DNTTIP2: variants seen among roughly 807,000 people sequenced by gnomAD.
DNTTIP2 encodes deoxynucleotidyltransferase terminal-interacting protein 2.
A neutral mutation model predicts 62.4 loss-of-function variants in DNTTIP2; 47 were observed. The observed-to-expected ratio is 0.75, with a 90% CI of 0.60 to 0.96. The LOEUF is 0.96. Among genes scored for constraint, DNTTIP2 ranks in the 40% least tolerant of loss-of-function variants. The pLI is 0.00. For synonymous variants in DNTTIP2, 322 were observed against 300.9 expected, an observed-to-expected ratio of 1.07 and a Z score of -0.73; for missense variants, 870 against 849.1, an observed-to-expected ratio of 1.02 and a Z score of -0.31.
Position 93,875,798 on chromosome 1 carries a change from A to G in DNTTIP2, c.1668-15T>C. On this transcript the variant is annotated splice_polypyrimidine_tract_variant and intron_variant, in intron 2 of 6. Coordinates refer to ENST00000436063, the MANE Select transcript of DNTTIP2 (RefSeq NM_014597.5). ...TCAACTTCAGACTGAAAAAGAAATCATCACTTAAAGATCAAGTAATTAAAT... is the reference window on the plus strand; with the variant it reads ...TCAACTTCAGACTGAAAAAGAAATCGTCACTTAAAGATCAAGTAATTAAAT... 1.2e-6 allele frequency: 2 copies of G among 1,601,026 alleles called. No individual in the cohort carries two copies. The highest frequency in any genetic ancestry group is 1.7e-6 in the Non-Finnish European group (2 of 1,175,696).
At position 93,876,666 on chromosome 1, in the gene DNTTIP2, A is replaced by G; in HGVS notation, c.1269T>C (p.Asp423=). The change falls in exon 2 of 7, where the codon GAT becomes GAC. Residue 423 remains aspartate, a synonymous_variant. Transcript: ENST00000436063. ...NSEGNVDFEC[D]TKLYTSAPNT... ...TGGGCGCAGACGTGTATAGTTTGGT[A>G]TCACATTCAAAATCTACATTCCCTT... 2 of 1,614,054 alleles carry G rather than the reference A, an allele frequency of 1.2e-6. No homozygotes were observed. The highest frequency in any genetic ancestry group is 2.2e-5 in the South Asian group (2 of 91,082).
At chr1:93,871,899 T>C (rs1269003881) in intron 5 of DNTTIP2, among the ~76,000 whole-genome samples, 173 bp downstream of exon 5, 1 of 152,226 alleles carries the variant, frequency 6.6e-6, no homozygotes, top group Non-Finnish European at 1.5e-5. Context: ...AATTAAAAGT[T>C]AGTGGCTGAA....
rs931081595 is a variant in DNTTIP2 at position 93,877,362 on chromosome 1, T to C, written c.573A>G (p.Ser191=). The change falls in exon 2 of 7, where the codon TCA becomes TCG. Residue 191 remains serine (S), a synonymous_variant. Coordinates refer to ENST00000436063, the MANE Select transcript of DNTTIP2 (RefSeq NM_014597.5). ...EAISDAETSS[S]DISFSGIATR... ...TTGCAATTCCAGAGAATGAAATGTC[T>C]GAGCTTGATGTCTCAGCATCAGATA... is the stretch of plus-strand genomic sequence containing the variant. 3 of 1,613,866 alleles carry C rather than the reference T, an allele frequency of 1.9e-6. No homozygotes were observed. The highest frequency in any genetic ancestry group is 2.5e-6 in the Non-Finnish European group (3 of 1,179,898).
At chr1:93,873,904 A>AT (rs1196024736) in intron 3 of DNTTIP2, among the ~76,000 whole-genome samples, 1 of 152,204 alleles carries the variant, frequency 6.6e-6, no homozygotes, top group Non-Finnish European at 1.5e-5. Flanking sequence ...GTTAATTAGT[A>AT]TTTTTCTCAG....
chr1:93,879,004 C>T, intron 1 of DNTTIP2, 73 bp downstream of exon 1: 1 of 1,578,444 alleles, frequency 6.3e-7, no homozygotes, highest in Non-Finnish European at 8.6e-7. Context: ...CTTAACCGGA[C>T]CCTTGCGCCG....
At chr1:93,878,902 G>A (rs1656082893) in intron 1 of DNTTIP2, 175 bp downstream of exon 1, 1 of 788,264 alleles carries the variant, frequency 1.3e-6, no homozygotes. Flanking sequence ...CAGTGGTGAA[G>A]GCTAAACAGT....
In DNTTIP2 at chr1:93,873,281, A is replaced by G. The variant is rs985986065; in HGVS notation, c.1807-67T>C. On this transcript the variant is annotated intron_variant, in intron 3 of 6. Coordinates refer to ENST00000436063, the MANE Select transcript of DNTTIP2 (RefSeq NM_014597.5). ...TTATATAAGTTTTTCAACAGTTTAA[A>G]CTTCTGTAAGTTTTAAAATTTTTAG... 15 of 1,303,426 alleles carry G rather than the reference A, an allele frequency of 1.2e-5. No individual in the cohort carries two copies. In the African/African-American group the frequency reaches 2.2e-4, roughly 19 times the overall value. 80.7% of individuals were successfully genotyped at this position (1,303,426 alleles called of 1,614,324 possible). A position where few individuals can be genotyped will look rare whatever the true frequency, so the allele number is the denominator to read the frequency against.
chr1:93,877,398 A>G lies in DNTTIP2; in HGVS notation c.537T>C (p.His179=), dbSNP rs761545262. 12 of 1,613,850 alleles carry G rather than the reference A, an allele frequency of 7.4e-6. No homozygotes were observed. The highest frequency in any genetic ancestry group is 1.0e-5 in the Non-Finnish European group (12 of 1,179,890). The part of the protein sequence containing the change: ...KSLTDPSQES[H]TEAISDAETS... Reference sequence around the variant, plus strand: ...TCTCAGCATCAGATATAGCTTCTGTATGAGATTCTTGGCTTGGATCTGTCA... The same window carrying G: ...TCTCAGCATCAGATATAGCTTCTGTGTGAGATTCTTGGCTTGGATCTGTCA... Residue 179 remains histidine (H), a synonymous_variant, in exon 2 of 7, where the codon CAT becomes CAC. Coordinates refer to ENST00000436063, the MANE Select transcript of DNTTIP2 (RefSeq NM_014597.5).
chr1:93,876,947 T>C lies in DNTTIP2; in HGVS notation c.988A>G (p.Ser330Gly), dbSNP rs1469148722. Reference sequence around the variant, plus strand: ...CTCTGAGAAACTAACTGTTGAAGGCTAGTGTCCTGAAGTTCAGAAAGATTC... The same window carrying C: ...CTCTGAGAAACTAACTGTTGAAGGCCAGTGTCCTGAAGTTCAGAAAGATTC... ...LKNLSELQDT[S>G]LQQLVSQRHS... Residue 330 changes from serine to glycine, a missense_variant, in exon 2 of 7, where the codon AGC becomes GGC. Transcript: ENST00000436063. 6.2e-7 allele frequency: 1 copy of C among 1,613,478 alleles called. No homozygotes were observed. The highest frequency in any genetic ancestry group is 8.5e-7 in the Non-Finnish European group (1 of 1,179,812).
rs1655743881 is a variant in DNTTIP2, at chr1:93,867,217, G to C, written c.*2634C>G. On this transcript the variant is annotated 3_prime_UTR_variant, in exon 7 of 7. Coordinates refer to ENST00000436063, the MANE Select transcript of DNTTIP2 (RefSeq NM_014597.5). ...CAGCATTCTTTTCGAAATCTTTCAA[G>C]ATCTTCTCAGGGGTATCTTGAAGGT... 2.0e-5 allele frequency: 3 copies of C among 148,374 alleles called. No homozygotes were observed. 9.2% of individuals were successfully genotyped at this position (148,374 alleles called of 1,614,324 possible). A position where few individuals can be genotyped will look rare whatever the true frequency, so the allele number is the denominator to read the frequency against.
At position 93,879,175 on chromosome 1, in the gene DNTTIP2, G is replaced by A; in HGVS notation, c.-27C>T. 4 of 1,609,614 alleles carry A rather than the reference G, an allele frequency of 2.5e-6. No individual in the cohort carries two copies. Among genetic ancestry groups the A allele is most frequent in the Non-Finnish European group, 3.4e-6 (4 of 1,178,784 alleles). ...TTTCCGGCTCCCTCGCGACCACCAC[G>A]ACTTCCCTCTTCCCTGGCGCTCCGG... On this transcript the variant is annotated 5_prime_UTR_variant, in exon 1 of 7. Transcript: ENST00000436063.
At position 93,876,459 on chromosome 1, in the gene DNTTIP2, G is replaced by A. The variant is rs772397585; in HGVS notation, c.1476C>T (p.Asp492=). The A allele has an allele frequency of 4.3e-6, 7 of 1,613,738 alleles. No homozygotes were observed. Among genetic ancestry groups the A allele is most frequent in the Non-Finnish European group, 5.9e-6 (7 of 1,179,856 alleles). The change falls in exon 2 of 7, where the codon GAC becomes GAT. Residue 492 remains aspartate (D), a synonymous_variant. Coordinates refer to ENST00000436063, the MANE Select transcript of DNTTIP2 (RefSeq NM_014597.5). ...LSCDNALFVI[D]TTPGMSADKN... ...TATCAGCACTCATTCCAGGAGTTGTGTCAATTACAAACAATGCATTGTCAC... is the reference window on the plus strand; with the variant it reads ...TATCAGCACTCATTCCAGGAGTTGTATCAATTACAAACAATGCATTGTCAC...
rs1656032594 is a variant in DNTTIP2, at chr1:93,877,151, T to C, written c.784A>G (p.Asn262Asp). Residue 262 changes from asparagine (N) to aspartate (D), a missense_variant, in exon 2 of 7, where the codon AAT becomes GAT. Transcript: ENST00000436063. The part of the protein sequence containing the change: ...LSEINKPNFY[N>D]NDFDDDFSHR... ...GAGAAATCATCATCAAAGTCATTATTATAGAAATTTGGCTTATTTATCTCA... is the reference window on the plus strand; with the variant it reads ...GAGAAATCATCATCAAAGTCATTATCATAGAAATTTGGCTTATTTATCTCA... The C allele has an allele frequency of 6.2e-7, 1 of 1,612,774 alleles. No individual in the cohort carries two copies. The highest frequency in any genetic ancestry group is 1.7e-5 in the Admixed American group (1 of 59,992).
At position 93,876,616 on chromosome 1, in the gene DNTTIP2, G is replaced by A; in HGVS notation, c.1319C>T (p.Ser440Phe). ...ATCACTGCTGAGAACTAGTAAGACA[G>A]AATTATCTTTACCCTGAGATGTGTT... is the stretch of plus-strand genomic sequence containing the variant. Reference protein sequence around the residue: ...APNTSQGKDNSVLLVLSSDES... With the variant: ...APNTSQGKDNFVLLVLSSDES... Residue 440 changes from serine (S) to phenylalanine (F), a missense_variant, in exon 2 of 7, where the codon TCT (serine) becomes TTT (phenylalanine). By Grantham distance (155) the Ser-to-Phe change is radical. Coordinates refer to ENST00000436063, the MANE Select transcript of DNTTIP2 (RefSeq NM_014597.5). The A allele has an allele frequency of 6.2e-7, 1 of 1,613,990 alleles. No homozygotes were observed.
At position 93,869,518 on chromosome 1, in the gene DNTTIP2, T is replaced by C. The variant is rs183959355; in HGVS notation, c.*333A>G. ...ATCATTTTTTAAAGTTCTTTGAACA[T>C]GTTAGCAAACTTTATACTTCCTATC... On this transcript the variant is annotated 3_prime_UTR_variant, in exon 7 of 7. Transcript: ENST00000436063. 1.5e-3 allele frequency: 333 copies of C among 217,010 alleles called. 1 individual carries two copies. Among genetic ancestry groups the C allele is most frequent in the African/African-American group, 7.2e-3 (311 of 43,132 alleles). The allele number at this position is 217,010 out of a possible 1,614,324, so 13.4% of individuals were successfully genotyped here.
Position 93,879,128 on chromosome 1 carries a change from T to C in DNTTIP2, c.21A>G (p.Ala7=). The stretch of plus-strand genomic sequence containing the variant: ...CGGCTTGGATGCTGGCCTTAGCCCG[T>C]GCAGATCTGGTAACCACCATCTTTC... The part of the protein sequence containing the change: MVVTRS[A]RAKASIQAAS... The change falls in exon 1 of 7, where the codon GCA becomes GCG. Residue 7 remains alanine (A), a synonymous_variant. Coordinates refer to ENST00000436063, the MANE Select transcript of DNTTIP2 (RefSeq NM_014597.5). The C allele has an allele frequency of 6.2e-7, 1 of 1,613,536 alleles. No homozygotes were observed. The highest frequency in any genetic ancestry group is 1.1e-5 in the South Asian group (1 of 91,082).
chr1:93,871,247 G>C (rs951121420), intron 5 of DNTTIP2, among the ~76,000 whole-genome samples: 4 of 152,176 alleles, frequency 2.6e-5, no homozygotes, highest in African/African-American at 7.2e-5. Context: ...CTATGCACCA[G>C]GCACTGTGTT....
chr1:93,877,437 A>G lies in DNTTIP2; in HGVS notation c.498T>C (p.Ser166=), dbSNP rs1656040662. The change falls in exon 2 of 7, where the codon AGT becomes AGC. Residue 166 remains serine (S), a synonymous_variant. Coordinates refer to ENST00000436063, the MANE Select transcript of DNTTIP2 (RefSeq NM_014597.5). Reference sequence around the variant, plus strand: ...TTGGATCTGTCAGAGATTTAGCCTTACTTCTTCTGGCTCCTGTAGTTTTTT... The same window carrying G: ...TTGGATCTGTCAGAGATTTAGCCTTGCTTCTTCTGGCTCCTGTAGTTTTTT... ...PTEKTTGARR[S]KAKSLTDPSQ... is the part of the protein sequence containing the mutation. The G allele has an allele frequency of 1.2e-6, 2 of 1,613,852 alleles. No individual in the cohort carries two copies. The highest frequency in any genetic ancestry group is 1.7e-6 in the Non-Finnish European group (2 of 1,179,892).
Position 93,869,810 on chromosome 1 carries a change from T to C in DNTTIP2, c.*41A>G. On this transcript the variant is annotated 3_prime_UTR_variant, in exon 7 of 7. Coordinates refer to ENST00000436063, the MANE Select transcript of DNTTIP2 (RefSeq NM_014597.5). ...TTTCCAAACGTCTTTAATAAGTAAATAAAGGAGCAATGTAAAATGTTGCAG... is the reference window on the plus strand; with the variant it reads ...TTTCCAAACGTCTTTAATAAGTAAACAAAGGAGCAATGTAAAATGTTGCAG... 2.6e-6 allele frequency: 2 copies of C among 770,754 alleles called. No homozygotes were observed. Among genetic ancestry groups the C allele is most frequent in the Non-Finnish European group, 4.8e-6 (2 of 412,536 alleles). The allele number at this position is 770,754 out of a possible 1,614,324, so 47.7% of individuals were successfully genotyped here.
Sources: allele counts gnomAD v4.1 joint callset (sites outside exome capture counted in the v4.1 genomes callset), GRCh38; gene constraint gnomAD v4.1.1; transcripts MANE v1.5; gene names NCBI Gene and HGNC (gene_info 2026-07-23, HGNC 2026-07-21).